ASB18: variants seen among roughly 807,000 people sequenced by gnomAD.
The protein encoded by ASB18 is ankyrin repeat and SOCS box protein 18.
A neutral mutation model predicts 33.4 loss-of-function variants in ASB18; 33 were observed. The observed-to-expected ratio is 0.99, with a 90% CI of 0.75 to 1.32. The LOEUF is 1.32. Ranked by LOEUF, ASB18 falls within the 40% of genes most tolerant of loss-of-function variation. The pLI is 0.00. For synonymous variants in ASB18, 295 were observed against 307.6 expected (o/e 0.96, Z 0.43); for missense variants, 694 against 655.5 (o/e 1.06, Z -0.64).
chr2:236,223,125 C>T lies in ASB18; in HGVS notation c.597-8259G>A, dbSNP rs2060519945. Among the ~76,000 whole-genome samples the T allele has an allele frequency of 6.6e-6, 1 of 152,216 alleles. No individual in the cohort carries two copies. Among genetic ancestry groups the T allele is most frequent in the Admixed American group, 6.5e-5 (1 of 15,276 alleles). On this transcript the variant is annotated intron_variant, in intron 3 of 5. Transcript: ENST00000409749. This position sits in a 1 kb window ranked among gnomAD's most constrained non-coding sequence, Gnocchi z 4.6. Reference sequence around the variant, plus strand: ...ATGAGTAAAAAGCTTCCTGAGGCCTCCCCAGAAGCAGATCCCAGCATTATG... The same window carrying T: ...ATGAGTAAAAAGCTTCCTGAGGCCTTCCCAGAAGCAGATCCCAGCATTATG...
At position 236,210,717 on chromosome 2, in the gene ASB18, C is replaced by T. The variant is rs777643565; in HGVS notation, c.1101+3645G>A. 1.1e-4 allele frequency among the ~76,000 whole-genome samples: 16 copies of T among 152,136 alleles called. No individual in the cohort carries two copies. In the East Asian group the frequency reaches 1.2e-3, roughly 11 times the overall value. On this transcript the variant is annotated intron_variant, in intron 4 of 5. Coordinates refer to ENST00000409749, the MANE Select transcript of ASB18 (RefSeq NM_212556.4). ...ACTGCAAATGAAAAGTGTTCATGGA[C>T]GGGTGTCAGGTGACATCCAGGGACA...
At position 236,239,606 on chromosome 2, in the gene ASB18, C is replaced by CT. The variant is rs1268832762; in HGVS notation, c.329-1651dup. Among the ~76,000 whole-genome samples the CT allele has an allele frequency of 1.3e-5, 2 of 152,190 alleles. No individual in the cohort carries two copies. Among genetic ancestry groups the CT allele is most frequent in the African/African-American group, 4.8e-5 (2 of 41,440 alleles). On this transcript the variant is annotated intron_variant, in intron 2 of 5. Coordinates refer to ENST00000409749, the MANE Select transcript of ASB18 (RefSeq NM_212556.4). The surrounding 1 kb of genome is among the most constrained non-coding windows in gnomAD (Gnocchi z 5.6). ...GCTTCTCTGCATGTGGTGTGTCCCT[C>CT]TAAGCATCAGCTCCCCCATGTCAGT...
In ASB18 at chr2:236,259,952, G is replaced by A. The variant is rs2060710475; in HGVS notation, c.205+4189C>T. ...TCCAGAAAAAGCCCTTTCCACCATT[G>A]GATGCCACTTTTTCTCTATGCTTTT... is the stretch of plus-strand genomic sequence containing the variant. On this transcript the variant is annotated intron_variant, in intron 1 of 5. Transcript: ENST00000409749. This position sits in a 1 kb window ranked among gnomAD's most constrained non-coding sequence, Gnocchi z 4.4. Among the ~76,000 whole-genome samples, 1 of 152,142 alleles carries A rather than the reference G, an allele frequency of 6.6e-6. No homozygotes were observed. Among genetic ancestry groups the A allele is most frequent in the Non-Finnish European group, 1.5e-5 (1 of 68,020 alleles).
rs1385077631 is a variant in ASB18 at position 236,203,165 on chromosome 2, T to A, written c.1102-6780A>T. ...ATTGTGTTATGTCTGCATGTTATGATGGCCAGCTCCACCTTCACAGAGCTT... is the reference window on the plus strand; with the variant it reads ...ATTGTGTTATGTCTGCATGTTATGAAGGCCAGCTCCACCTTCACAGAGCTT... On this transcript the variant is annotated intron_variant, in intron 4 of 5. Coordinates refer to ENST00000409749, the MANE Select transcript of ASB18 (RefSeq NM_212556.4). This position sits in a 1 kb window ranked among gnomAD's most constrained non-coding sequence, Gnocchi z 6.0. Among the ~76,000 whole-genome samples, 1 of 152,152 alleles carries A rather than the reference T, an allele frequency of 6.6e-6. No homozygotes were observed. The highest frequency in any genetic ancestry group is 1.5e-5 in the Non-Finnish European group (1 of 68,034).
chr2:236,241,249 T>C lies in ASB18; in HGVS notation c.328+31A>G. The C allele has an allele frequency of 6.2e-7, 1 of 1,611,600 alleles. No homozygotes were observed. The highest frequency in any genetic ancestry group is 8.5e-7 in the Non-Finnish European group (1 of 1,178,154). ...GAGAGTATTAGTAGCCCCTTAAAAA[T>C]AAATGACTGAGCTTTAAAGAACAAG... On this transcript the variant is annotated intron_variant, in intron 2 of 5. Transcript: ENST00000409749. The surrounding 1 kb of genome is among the most constrained non-coding windows in gnomAD (Gnocchi z 4.2).
At position 236,259,973 on chromosome 2, in the gene ASB18, C is replaced by CT. The variant is rs774635656; in HGVS notation, c.205+4167dup. Among the ~76,000 whole-genome samples the CT allele has an allele frequency of 1.3e-5, 2 of 152,062 alleles. No homozygotes were observed. The highest frequency in any genetic ancestry group is 3.9e-4 in the East Asian group (2 of 5,182). Reference sequence around the variant, plus strand: ...CATTGGATGCCACTTTTTCTCTATGCTTTTTTTTGGTGATGTTGACATGGA... The same window carrying CT: ...CATTGGATGCCACTTTTTCTCTATGCTTTTTTTTTGGTGATGTTGACATGGA... On this transcript the variant is annotated intron_variant, in intron 1 of 5. Coordinates refer to ENST00000409749, the MANE Select transcript of ASB18 (RefSeq NM_212556.4). The surrounding 1 kb of genome is among the most constrained non-coding windows in gnomAD (Gnocchi z 4.4).
In ASB18 at chr2:236,262,695, A is replaced by T. The variant is rs1467395566; in HGVS notation, c.205+1446T>A. Among the ~76,000 whole-genome samples the T allele has an allele frequency of 2.0e-5, 3 of 152,084 alleles. No individual in the cohort carries two copies. The highest frequency in any genetic ancestry group is 2.9e-5 in the Non-Finnish European group (2 of 68,016). ...ACTGCTTGTGATGACAACCTCCCCT[A>T]AACCCCCCCCAGGGCAATCTTCTAG... On this transcript the variant is annotated intron_variant, in intron 1 of 5. Coordinates refer to ENST00000409749, the MANE Select transcript of ASB18 (RefSeq NM_212556.4). This position sits in a 1 kb window ranked among gnomAD's most constrained non-coding sequence, Gnocchi z 5.2.
rs1254229472 is a variant in ASB18, at chr2:236,238,377, TG to T, written c.329-422del. ...GGCAGCTTGAAAGAGGAAAGTGGGT[TG>T]TGGAATTTTCCCGAATCCAGCACTC... is the stretch of plus-strand genomic sequence containing the variant. On this transcript the variant is annotated intron_variant, in intron 2 of 5. Coordinates refer to ENST00000409749, the MANE Select transcript of ASB18 (RefSeq NM_212556.4). This position sits in a 1 kb window ranked among gnomAD's most constrained non-coding sequence, Gnocchi z 5.2. Among the ~76,000 whole-genome samples the T allele has an allele frequency of 6.6e-6, 1 of 152,064 alleles. No individual in the cohort carries two copies. Among genetic ancestry groups the T allele is most frequent in the African/African-American group, 2.4e-5 (1 of 41,400 alleles).
chr2:236,197,069 CCCG>C (rs1375000884), intron 4 of ASB18, among the ~76,000 whole-genome samples: 2 of 53,488 alleles, frequency 3.7e-5, no homozygotes, highest in African/African-American at 1.0e-3. Context: ...CCCATGTATC[CCCG>C]CCCCCCCCAT....
chr2:236,253,039 G>A lies in ASB18; in HGVS notation c.205+11102C>T, dbSNP rs28600744. ...TGCCCCTGGGGTCAGCCAAGGCATG[G>A]TTAGGTGGCGTCAAGGATCCCCACC... On this transcript the variant is annotated intron_variant, in intron 1 of 5. Coordinates refer to ENST00000409749, the MANE Select transcript of ASB18 (RefSeq NM_212556.4). The surrounding 1 kb of genome is among the most constrained non-coding windows in gnomAD (Gnocchi z 5.4). 7.5e-3 allele frequency among the ~76,000 whole-genome samples: 1,138 copies of A among 152,294 alleles called. 12 individuals carry two copies. The highest frequency in any genetic ancestry group is 0.026 in the African/African-American group (1,078 of 41,566).
Position 236,228,830 on chromosome 2 carries a change from C to T in ASB18, c.596+8859G>A, listed in dbSNP as rs1400429375. 6.6e-6 allele frequency among the ~76,000 whole-genome samples: 1 copy of T among 152,162 alleles called. No homozygotes were observed. Among genetic ancestry groups the T allele is most frequent in the African/African-American group, 2.4e-5 (1 of 41,446 alleles). On this transcript the variant is annotated intron_variant, in intron 3 of 5. Coordinates refer to ENST00000409749, the MANE Select transcript of ASB18 (RefSeq NM_212556.4). This position sits in a 1 kb window ranked among gnomAD's most constrained non-coding sequence, Gnocchi z 5.1. ...ATTAATAAAGCTTAAAGGCAAGACC[C>T]AAAAGGATCAAACTATTTCCAAGTA...
Position 236,211,832 on chromosome 2 carries a change from A to G in ASB18, c.1101+2530T>C, listed in dbSNP as rs925975318. Among the ~76,000 whole-genome samples, 27 of 152,140 alleles carry G rather than the reference A, an allele frequency of 1.8e-4. No individual in the cohort carries two copies. Among genetic ancestry groups the G allele is most frequent in the African/African-American group, 6.0e-4 (25 of 41,430 alleles). On this transcript the variant is annotated intron_variant, in intron 4 of 5. Transcript: ENST00000409749. The surrounding 1 kb of genome is among the most constrained non-coding windows in gnomAD (Gnocchi z 5.0). Reference sequence around the variant, plus strand: ...GCTTGTGGGATTCTCAGCATGGTGAATGCATCCTCATCCACCATCCTCTCC... The same window carrying G: ...GCTTGTGGGATTCTCAGCATGGTGAGTGCATCCTCATCCACCATCCTCTCC...
Position 236,214,398 on chromosome 2 carries a change from G to A in ASB18, c.1065C>T (p.His355=), listed in dbSNP as rs768409106. Residue 355 remains histidine, a synonymous_variant, in exon 4 of 6, where the codon CAC becomes CAT. Coordinates refer to ENST00000409749, the MANE Select transcript of ASB18 (RefSeq NM_212556.4). This position sits in a 1 kb window ranked among gnomAD's most constrained non-coding sequence, Gnocchi z 6.5. ...PQRTVQALLN[H]GSPTVWPDAF... is the part of the protein sequence containing the mutation. Reference sequence around the variant, plus strand: ...CGTCGGGCCACACGGTGGGAGAGCCGTGGTTGAGCAGCGCCTGCACCGTGC... The same window carrying A: ...CGTCGGGCCACACGGTGGGAGAGCCATGGTTGAGCAGCGCCTGCACCGTGC... 25 of 1,575,820 alleles carry A rather than the reference G, an allele frequency of 1.6e-5. No homozygotes were observed. The Admixed American group carries it at 3.2e-4, about 20-fold the overall frequency.
In ASB18 at chr2:236,216,273, A is replaced by G. The variant is rs1182767528; in HGVS notation, c.597-1407T>C. ...TCTCCACTAACCACTCCTAATGTTG[A>G]CCTTGGTCCTCAAGCTTCCGCCCTC... On this transcript the variant is annotated intron_variant, in intron 3 of 5. Coordinates refer to ENST00000409749, the MANE Select transcript of ASB18 (RefSeq NM_212556.4). The surrounding 1 kb of genome is among the most constrained non-coding windows in gnomAD (Gnocchi z 6.1). Among the ~76,000 whole-genome samples, 1 of 152,120 alleles carries G rather than the reference A, an allele frequency of 6.6e-6. No individual in the cohort carries two copies. The highest frequency in any genetic ancestry group is 1.5e-5 in the Non-Finnish European group (1 of 68,024).
rs1051817839 is a variant in ASB18 at position 236,208,356 on chromosome 2, C to T, written c.1101+6006G>A. The stretch of plus-strand genomic sequence containing the variant: ...GTGCACGGCAGTCTCTGATTTCAAT[C>T]ATCCCCTTCTGTGTTGGGAAAAAAA... On this transcript the variant is annotated intron_variant, in intron 4 of 5. Coordinates refer to ENST00000409749, the MANE Select transcript of ASB18 (RefSeq NM_212556.4). This position sits in a 1 kb window ranked among gnomAD's most constrained non-coding sequence, Gnocchi z 7.7. Among the ~76,000 whole-genome samples, 34 of 152,170 alleles carry T rather than the reference C, an allele frequency of 2.2e-4. No homozygotes were observed. Among genetic ancestry groups the T allele is most frequent in the African/African-American group, 8.0e-4 (33 of 41,454 alleles).
rs941707744 is a variant in ASB18 at position 236,253,973 on chromosome 2, C to T, written c.205+10168G>A. 3.9e-5 allele frequency: 6 copies of T among 152,026 alleles called. No homozygotes were observed. The highest frequency in any genetic ancestry group is 1.4e-4 in the African/African-American group (6 of 41,386). The allele number at this position is 152,026 out of a possible 1,614,324, so 9.4% of individuals were successfully genotyped here. On this transcript the variant is annotated intron_variant, in intron 1 of 5. Coordinates refer to ENST00000409749, the MANE Select transcript of ASB18 (RefSeq NM_212556.4). This position sits in a 1 kb window ranked among gnomAD's most constrained non-coding sequence, Gnocchi z 5.4. ...GTTAGCTCAGGGTACATCTTTAGGC[C>T]TTTGGATGCCTGTTATAAAATTTAA...
At chr2:236,246,596 G>A (rs1198513129) in intron 1 of ASB18, among the ~76,000 whole-genome samples, 1 of 151,990 alleles carries the variant, frequency 6.6e-6, no homozygotes, top group Non-Finnish European at 1.5e-5. Context: ...GACCATGTTT[G>A]TAAGGAACTT....
rs996204691 is a variant in ASB18 at position 236,214,483 on chromosome 2, G to T, written c.980C>A (p.Ala327Asp). 1 of 1,499,108 alleles carries T rather than the reference G, an allele frequency of 6.7e-7. No individual in the cohort carries two copies. Among genetic ancestry groups the T allele is most frequent in the Non-Finnish European group, 8.8e-7 (1 of 1,130,730 alleles). 92.9% of individuals were successfully genotyped at this position (1,499,108 alleles called of 1,614,324 possible). The change falls in exon 4 of 6, where the codon GCC (alanine) becomes GAC (aspartate). Residue 327 changes from alanine to aspartate, a missense_variant. Ala to Asp is a moderately radical substitution (Grantham distance 126, BLOSUM62 -2). Coordinates refer to ENST00000409749, the MANE Select transcript of ASB18 (RefSeq NM_212556.4). This position sits in a 1 kb window ranked among gnomAD's most constrained non-coding sequence, Gnocchi z 6.5. ...ADAGALDYGGASPLGRVLQTA... is the reference protein window; with the variant it reads ...ADAGALDYGGDSPLGRVLQTA... ...CTGGAGCACGCGGCCCAGCGGCGAGGCCCCGCCATAGTCGAGCGCGCCCGC... is the reference window on the plus strand; with the variant it reads ...CTGGAGCACGCGGCCCAGCGGCGAGTCCCCGCCATAGTCGAGCGCGCCCGC...
At chr2:236,243,052 T>G (rs1193653836) in intron 1 of ASB18, among the ~76,000 whole-genome samples, 7 of 113,374 alleles carry the variant, frequency 6.2e-5, no homozygotes, top group East Asian at 2.6e-4. Context: ...AAAAAAGGGC[T>G]GGGCGCAGTG....
Sources: gnomAD v4.1 joint callset for allele counts (sites outside exome capture counted in the v4.1 genomes callset) on GRCh38, gnomAD v4.1.1 for gene constraint, Gnocchi (gnomAD v3.1) non-coding constraint, MANE v1.5 for transcripts, NCBI Gene and HGNC (gene_info 2026-07-23, HGNC 2026-07-21) for gene names.